The following RBFOX1 variants were observed in gnomAD, a reference collection of about 807,000 sequenced individuals.
RBFOX1 encodes the protein RNA binding fox-1 homolog 1.
A neutral mutation model predicts 57.7 loss-of-function variants in RBFOX1; 8 were observed. The ratio of observed to expected loss-of-function variants is 0.14; its 90% confidence interval spans 0.08 to 0.25. RBFOX1 has a LOEUF of 0.25. RBFOX1 is among the 10% of genes least tolerant of loss of function. RBFOX1 has a pLI of 1.00. For missense variants in RBFOX1, 611 were observed against 548.5 expected (o/e 1.11, Z -1.14); for synonymous variants, 326 against 222.4 (o/e 1.47, Z -4.15).
At chr16:5,657,503 G>A (rs1184591313) in intron 3 of RBFOX1, among the ~76,000 whole-genome samples, 1 of 152,124 alleles carries the variant, frequency 6.6e-6, no homozygotes, top group Non-Finnish European at 1.5e-5. Flanking sequence ...AGGGTTTAAA[G>A]TATTGAGCAG....
At chr16:7,383,355 T>G (rs1271052220) in intron 4 of RBFOX1, among the ~76,000 whole-genome samples, 1 of 151,840 alleles carries the variant, frequency 6.6e-6, no homozygotes, top group Admixed American at 6.6e-5. Context: ...GGCTCCCCAG[T>G]GGAGGCAAAA....
chr16:6,473,310 G>A (rs193069311), intron 2 of RBFOX1, among the ~76,000 whole-genome samples: 45 of 152,222 alleles, frequency 3.0e-4, no homozygotes, highest in African/African-American at 9.9e-4. Flanking sequence ...GTACAAATCA[G>A]ACAGCAAGTG....
At chr16:6,262,177 C>G (rs1283694101) in intron 1 of RBFOX1, among the ~76,000 whole-genome samples, 1 of 152,136 alleles carries the variant, frequency 6.6e-6, no homozygotes, top group Non-Finnish European at 1.5e-5. Flanking sequence ...TTCTGCCTTC[C>G]CATCCAAGAC....
chr16:5,965,218 A>C (rs1255442963), intron 4 of RBFOX1, among the ~76,000 whole-genome samples: 2 of 152,170 alleles, frequency 1.3e-5, no homozygotes, highest in Non-Finnish European at 2.9e-5. Flanking sequence ...AGTTCTGGAG[A>C]CCTAAAATAC....
chr16:7,374,287 A>C (rs569468640), intron 4 of RBFOX1, among the ~76,000 whole-genome samples: 2 of 152,348 alleles, frequency 1.3e-5, no homozygotes, highest in South Asian at 4.1e-4. Context: ...TCGCTGTGTA[A>C]GGGGAATAGC....
At chr16:5,972,352 A>G (rs2059978866) in intron 4 of RBFOX1, among the ~76,000 whole-genome samples, 1 of 152,216 alleles carries the variant, frequency 6.6e-6, no homozygotes, top group Non-Finnish European at 1.5e-5. Flanking sequence ...TTACAGCTAG[A>G]CAGTGTCACT....
chr16:6,680,586 C>G (rs940372053), intron 3 of RBFOX1, among the ~76,000 whole-genome samples: 1 of 152,050 alleles, frequency 6.6e-6, no homozygotes, highest in African/African-American at 2.4e-5. Flanking sequence ...CTTAGACCTC[C>G]TAGCAGATGA....
intron 4 of RBFOX1, among the ~76,000 whole-genome samples, chr16:5,903,280 G>A (rs1470245067): frequency 6.6e-6 from 1 of 152,140 alleles, no homozygotes; most frequent in Non-Finnish European, 1.5e-5. Flanking sequence ...TTTCACCACT[G>A]CTTCGTCATC....
rs149440918 is a variant in RBFOX1, at chr16:5,906,295, G to A, written c.351+38960G>A. Among the ~76,000 whole-genome samples the A allele has an allele frequency of 1.2e-4, 18 of 152,272 alleles. No homozygotes were observed. In the East Asian group the frequency reaches 2.5e-3, roughly 21 times the overall value. On this transcript the variant is annotated intron_variant, in intron 4 of 19. Coordinates refer to the RBFOX1 transcript ENST00000641259. ...CAAATGAAGTATGACTGGTTTCTTTGTAAAAAGGGGAAATTTGGACACAAA... is the reference window on the plus strand; with the variant it reads ...CAAATGAAGTATGACTGGTTTCTTTATAAAAAGGGGAAATTTGGACACAAA...
intron 4 of RBFOX1, among the ~76,000 whole-genome samples, chr16:7,429,684 A>G (rs191260665): frequency 6.6e-6 from 1 of 152,328 alleles, no homozygotes; most frequent in East Asian, 1.9e-4. Flanking sequence ...GACATGGCAA[A>G]GGTAGATAAT....
At chr16:6,390,213 A>G (rs1452929034) in intron 2 of RBFOX1, among the ~76,000 whole-genome samples, 2 of 152,158 alleles carry the variant, frequency 1.3e-5, no homozygotes, top group African/African-American at 2.4e-5. Flanking sequence ...CAATGGATGT[A>G]TTTACATATC....
chr16:7,185,852 A>G (rs1175323589), intron 4 of RBFOX1, among the ~76,000 whole-genome samples: 2 of 152,194 alleles, frequency 1.3e-5, no homozygotes, highest in African/African-American at 4.8e-5. Flanking sequence ...TTTGGATTCC[A>G]TGGCATTTTA....
At chr16:7,539,046 G>C (rs12445792) in intron 5 of RBFOX1, among the ~76,000 whole-genome samples, 77,493 of 151,986 alleles carry the variant, frequency 0.51, 23,939 homozygotes, top group Non-Finnish European at 0.71. Context: ...GCTCAGCCTT[G>C]GCATTTGCTA....
chr16:6,480,489 C>G (rs148633636), intron 2 of RBFOX1, among the ~76,000 whole-genome samples: 6 of 152,108 alleles, frequency 3.9e-5, no homozygotes, highest in African/African-American at 1.2e-4. Flanking sequence ...TTACACATCA[C>G]GAAATATTAT....
At chr16:6,370,556 C>T (rs1340864228) in intron 2 of RBFOX1, among the ~76,000 whole-genome samples, 2 of 151,960 alleles carry the variant, frequency 1.3e-5, no homozygotes, top group East Asian at 1.9e-4. Context: ...AACCTTGAAA[C>T]ATTACGCTAA....
chr16:7,078,681 A>AT (rs201913091), intron 4 of RBFOX1, among the ~76,000 whole-genome samples: 2 of 143,354 alleles, frequency 1.4e-5, no homozygotes, highest in African/African-American at 5.2e-5. Flanking sequence ...TATTTTATTT[A>AT]TTTTATTTTA....
At chr16:6,507,186 C>T (rs2096122837) in intron 2 of RBFOX1, among the ~76,000 whole-genome samples, 1 of 152,122 alleles carries the variant, frequency 6.6e-6, no homozygotes, top group Admixed American at 6.5e-5. Context: ...AGCCAGACAT[C>T]CCAAGACCTA....
intron 1 of RBFOX1, among the ~76,000 whole-genome samples, chr16:5,319,874 A>T (rs1432665841): frequency 6.6e-6 from 1 of 151,848 alleles, no homozygotes; most frequent in Admixed American, 6.6e-5. Context: ...TCCCTCCTAG[A>T]CTCTCTGTAT....
chr16:6,088,272 G>A (rs2096118829), intron 1 of RBFOX1, among the ~76,000 whole-genome samples: 1 of 151,598 alleles, frequency 6.6e-6, no homozygotes, highest in Non-Finnish European at 1.5e-5. Context: ...CTGAAACTAT[G>A]AACAATATGG....
Sources: allele counts gnomAD v4.1 joint callset (sites outside exome capture counted in the v4.1 genomes callset), GRCh38; gene constraint gnomAD v4.1.1; transcripts MANE v1.5; gene names NCBI Gene and HGNC (gene_info 2026-07-23, HGNC 2026-07-21).